Variants in MYO3A observed in about 807,000 individuals in gnomAD.
The protein encoded by MYO3A is myosin-IIIa.
In MYO3A, 180 loss-of-function variants were observed where a neutral mutation model predicts 192.7. The observed-to-expected ratio is 0.93, with a 90% confidence interval of 0.83 to 1.06. MYO3A has a LOEUF of 1.06. Ranked by LOEUF, MYO3A falls within the 50% of genes least tolerant of loss-of-function variation. The probability of loss-of-function intolerance (pLI) is 0.00; values close to 1 mark genes in which losing one functional copy is unlikely to be tolerated. For missense variants in MYO3A, 1,896 were observed against 1,905.0 expected (o/e 1.00, Z 0.09); for synonymous variants, 628 against 645.3 (o/e 0.97, Z 0.41).
At chr10:26,177,071 T>A (rs1288793712) in intron 31 of MYO3A, among the ~76,000 whole-genome samples, 1 of 151,954 alleles carries the variant, frequency 6.6e-6, no homozygotes, top group African/African-American at 2.4e-5. Flanking sequence ...TTTCCTTTTT[T>A]CATTTTAACT....
Position 26,193,303 on chromosome 10 carries a change from C to G in MYO3A, c.4537C>G (p.Leu1513Val), listed in dbSNP as rs770789724. ...NNPEDSTYYY[L>V]LHKSIQEEKR... ...CCCTGAAGACTCCACATACTATTAT[C>G]TACTTCATGTAAGTGGCTCACTCTT... Residue 1513 changes from leucine (L) to valine (V), a missense_variant, in exon 32 of 35, where the codon CTA (leucine) becomes GTA (valine). Leu to Val is a conservative substitution (Grantham distance 32). Coordinates refer to ENST00000642920, the MANE Select transcript of MYO3A (RefSeq NM_017433.5). 1 of 1,610,644 alleles carries G rather than the reference C, an allele frequency of 6.2e-7. No homozygotes were observed. The highest frequency in any genetic ancestry group is 8.5e-7 in the Non-Finnish European group (1 of 1,177,008).
intron 14 of MYO3A, among the ~76,000 whole-genome samples, chr10:26,071,475 G>A (rs868476916): frequency 1.2e-4 from 18 of 152,064 alleles, no homozygotes; most frequent in African/African-American, 4.1e-4. Flanking sequence ...TGTTGAGTTA[G>A]GTAAAGAGTT....
intron 1 of MYO3A, 130 bp downstream of exon 1, chr10:25,934,458 C>T (rs117854876): frequency 6.6e-6 from 1 of 151,992 alleles, no homozygotes; most frequent in Admixed American, 6.5e-5. Flanking sequence ...TCTCTGAGCG[C>T]GAGGCTGCCG....
At chr10:25,974,156 C>T (rs1242935763) in intron 4 of MYO3A, among the ~76,000 whole-genome samples, 1 of 152,112 alleles carries the variant, frequency 6.6e-6, no homozygotes. Flanking sequence ...GAACAGGCAG[C>T]CTACAGAATG....
At chr10:26,103,463 C>G (rs528119484) in intron 17 of MYO3A, among the ~76,000 whole-genome samples, 4 of 152,198 alleles carry the variant, frequency 2.6e-5, no homozygotes, top group Non-Finnish European at 5.9e-5. Flanking sequence ...CTTCTTGTTG[C>G]TCACGCTGGG....
intron 17 of MYO3A, among the ~76,000 whole-genome samples, chr10:26,114,869 A>G (rs1324060366): frequency 6.6e-6 from 1 of 152,232 alleles, no homozygotes; most frequent in Non-Finnish European, 1.5e-5. Context: ...AGTAAATTCT[A>G]TGAGAGCAGA....
At position 26,145,472 on chromosome 10, in the gene MYO3A, C is replaced by T. The variant is rs755177455; in HGVS notation, c.2443C>T (p.Gln815Ter). 1 of 1,608,912 alleles carries T rather than the reference C, an allele frequency of 6.2e-7. No individual in the cohort carries two copies. The highest frequency in any genetic ancestry group is 1.1e-5 in the South Asian group (1 of 90,966). ...VEKFEGNLKS[Q>*]YFWRPKRMEL... ...AAAATTTGAAGGTAACCTGAAATCACAATACTTCTGGAGACCCAAAAGAAT... is the reference window on the plus strand; with the variant it reads ...AAAATTTGAAGGTAACCTGAAATCATAATACTTCTGGAGACCCAAAAGAAT... Residue 815 changes from glutamine to a stop codon, truncating the protein, a stop_gained, in exon 22 of 35, where the codon CAA becomes TAA. Coordinates refer to ENST00000642920, the MANE Select transcript of MYO3A (RefSeq NM_017433.5). LOFTEE classifies it high-confidence loss of function.
At chr10:25,982,284 G>C (rs7923264) in intron 4 of MYO3A, among the ~76,000 whole-genome samples, 101,847 of 151,894 alleles carry the variant, frequency 0.67, 34,558 homozygotes, top group African/African-American at 0.77. Context: ...TATCCCTGCC[G>C]CCACCTGGTG....
intron 3 of MYO3A, 29 bp from the exon 4 acceptor site, chr10:25,954,845 G>A (rs200558637): frequency 1.9e-6 from 3 of 1,604,514 alleles, no homozygotes; most frequent in Non-Finnish European, 2.6e-6. Context: ...TTTTCTCACA[G>A]TTCTATTCTT....
intron 4 of MYO3A, among the ~76,000 whole-genome samples, chr10:25,958,325 C>G (rs1283465319): frequency 6.6e-6 from 1 of 152,168 alleles, no homozygotes; most frequent in East Asian, 1.9e-4. Context: ...CCAGTTATCC[C>G]AGCACCATTT....
chr10:26,003,684 T>C (rs1440523544), intron 6 of MYO3A, among the ~76,000 whole-genome samples: 3 of 152,086 alleles, frequency 2.0e-5, no homozygotes, highest in African/African-American at 7.2e-5. Flanking sequence ...AAAAAAACAA[T>C]CTTTATCTTG....
chr10:26,011,589 A>G (rs1358845000), intron 6 of MYO3A, among the ~76,000 whole-genome samples: 1 of 152,228 alleles, frequency 6.6e-6, no homozygotes, highest in Non-Finnish European at 1.5e-5. Flanking sequence ...GAAACCTTAA[A>G]CCAATAACAA....
chr10:26,185,024 T>G (rs1842795495), intron 31 of MYO3A, among the ~76,000 whole-genome samples: 1 of 152,196 alleles, frequency 6.6e-6, no homozygotes, highest in African/African-American at 2.4e-5. Flanking sequence ...TAAAAAAATA[T>G]TCTGAAGGAA....
At chr10:26,083,588 C>T (rs1836113760) in intron 14 of MYO3A, among the ~76,000 whole-genome samples, 1 of 152,032 alleles carries the variant, frequency 6.6e-6, no homozygotes, top group Admixed American at 6.6e-5. Flanking sequence ...ATTGGAAAAG[C>T]TTTTAGTTTC....
intron 4 of MYO3A, among the ~76,000 whole-genome samples, chr10:25,974,728 C>T (rs185029114): frequency 2.6e-5 from 4 of 152,244 alleles, no homozygotes; most frequent in East Asian, 3.9e-4. Flanking sequence ...TGACAATTTC[C>T]AAAAACTTAA....
At chr10:26,089,563 T>G (rs1836564774) in intron 15 of MYO3A, among the ~76,000 whole-genome samples, 1 of 151,778 alleles carries the variant, frequency 6.6e-6, no homozygotes, top group African/African-American at 2.4e-5. Flanking sequence ...ATCATGCCAC[T>G]TCACTCCAGC....
At chr10:26,144,304 G>A (rs1042530410) in intron 21 of MYO3A, among the ~76,000 whole-genome samples, 1 of 151,916 alleles carries the variant, frequency 6.6e-6, no homozygotes, top group Non-Finnish European at 1.5e-5. Context: ...TATTTATTCT[G>A]TATGAGAAAT....
At chr10:25,996,142 G>C (rs1464999305) in intron 4 of MYO3A, among the ~76,000 whole-genome samples, 1 of 152,120 alleles carries the variant, frequency 6.6e-6, no homozygotes, top group Non-Finnish European at 1.5e-5. Context: ...GAGCTGTGGT[G>C]GTCTCCACGC....
chr10:26,199,829 A>G (rs1366072163), intron 32 of MYO3A, among the ~76,000 whole-genome samples: 1 of 152,192 alleles, frequency 6.6e-6, no homozygotes, highest in African/African-American at 2.4e-5. Flanking sequence ...ACTTTGAACT[A>G]TAGGCAATTG....
Sources: gnomAD v4.1 joint callset for allele counts (sites outside exome capture counted in the v4.1 genomes callset) on GRCh38, gnomAD v4.1.1 for gene constraint, MANE v1.5 for transcripts, NCBI Gene and HGNC (gene_info 2026-07-23, HGNC 2026-07-21) for gene names.